The following TRAF2 variants were observed in gnomAD, a reference collection of about 807,000 sequenced individuals.
TRAF2 encodes the protein TNF receptor-associated factor 2.
A neutral mutation model predicts 55.6 loss-of-function variants in TRAF2; 6 were observed. The observed-to-expected ratio is 0.11, with a 90% CI of 0.06 to 0.21. TRAF2 has a LOEUF of 0.21. TRAF2 is among the 10% of genes least tolerant of loss of function. The pLI, the probability that TRAF2 is intolerant of heterozygous loss-of-function variation, is 1.00. For synonymous variants in TRAF2, 329 were observed against 276.3 expected, an observed-to-expected ratio of 1.19 and a Z score of -1.89; for missense variants, 561 against 684.5, an observed-to-expected ratio of 0.82 and a Z score of 2.01.
chr9:136,904,943 C>G (rs1340033791), intron 4 of TRAF2, among the ~76,000 whole-genome samples: 1 of 152,186 alleles, frequency 6.6e-6, no homozygotes, highest in African/African-American at 2.4e-5. Context: ...GCCAGTGCCG[C>G]TGGAGGTCTT....
At position 136,909,905 on chromosome 9, in the gene TRAF2, T is replaced by TC; in HGVS notation, c.529-12dup. 4 of 1,614,020 alleles carry TC rather than the reference T, an allele frequency of 2.5e-6. No individual in the cohort carries two copies. Among genetic ancestry groups the TC allele is most frequent in the Non-Finnish European group, 3.4e-6 (4 of 1,179,940 alleles). ...TTGGCGTCCACCCTCACACTCCTGA[T>TC]CCCTTCTTTTGAAGGCGCACCACGA... On this transcript the variant is annotated splice_polypyrimidine_tract_variant and intron_variant, in intron 5 of 10. Transcript: ENST00000247668.
intron 1 of TRAF2, among the ~76,000 whole-genome samples, chr9:136,890,994 CCTGAGTGG>C (rs1213913246): frequency 1.3e-5 from 2 of 152,204 alleles, no homozygotes; most frequent in Admixed American, 1.3e-4. Context: ...ACCTCAGCCT[CCTGAGTGG>C]CTGGGACCAC....
At chr9:136,886,467 A>C (rs1265835296), upstream of TRAF2, 6 of 1,004,724 alleles carry the variant, frequency 6.0e-6, no homozygotes, top group Non-Finnish European at 7.1e-6. Context: ...CACGCGGCGG[A>C]GCGGCGGCGG....
intron 4 of TRAF2, among the ~76,000 whole-genome samples, chr9:136,907,207 G>A (rs924096323): frequency 4.6e-5 from 7 of 152,244 alleles, no homozygotes; most frequent in Admixed American, 1.3e-4. Flanking sequence ...TGCCTCGCCT[G>A]ACGCTTAGCC....
At chr9:136,917,787 G>A (rs192208106) in intron 7 of TRAF2, among the ~76,000 whole-genome samples, 5 of 152,150 alleles carry the variant, frequency 3.3e-5, no homozygotes, top group African/African-American at 7.2e-5. Context: ...TCTGCTGTCC[G>A]TGTTCTTGTC....
Position 136,917,656 on chromosome 9 carries a change from G to A in TRAF2, c.678+1041G>A, listed in dbSNP as rs992461962. On this transcript the variant is annotated intron_variant, in intron 7 of 10. Transcript: ENST00000247668. Reference sequence around the variant, plus strand: ...TGCTTGAAGACAGGGATGTCTTGACGGCATTTGTGGTAGAGTCAGTTGCTG... The same window carrying A: ...TGCTTGAAGACAGGGATGTCTTGACAGCATTTGTGGTAGAGTCAGTTGCTG... 3.5e-4 allele frequency among the ~76,000 whole-genome samples: 53 copies of A among 152,210 alleles called. 1 individual carries two copies. Among genetic ancestry groups the A allele is most frequent in the Non-Finnish European group, 1.3e-4 (9 of 68,046 alleles).
intron 1 of TRAF2, chr9:136,890,471 G>A (rs1849559698): frequency 6.6e-6 from 1 of 152,286 alleles, no homozygotes; most frequent in African/African-American, 2.4e-5. Context: ...TGACCATGGT[G>A]TTCAGTTCAG....
chr9:136,896,545 T>A (rs1374754839), intron 1 of TRAF2, among the ~76,000 whole-genome samples: 1 of 152,254 alleles, frequency 6.6e-6, no homozygotes, highest in Non-Finnish European at 1.5e-5. Flanking sequence ...GGCCAGCACG[T>A]GTGAACAATC....
chr9:136,901,074 A>C (rs1433548932), intron 4 of TRAF2, among the ~76,000 whole-genome samples: 1 of 147,854 alleles, frequency 6.8e-6, no homozygotes, highest in African/African-American at 2.6e-5. Context: ...AGTGGCCCGC[A>C]CTTCACTTGG....
At chr9:136,920,150 C>A in intron 7 of TRAF2, 84 bp from the exon 8 acceptor site, 1 of 1,475,780 alleles carries the variant, frequency 6.8e-7, no homozygotes, top group Non-Finnish European at 9.0e-7. Flanking sequence ...CTCAGCTCAG[C>A]TGAGGCCCAC....
intron 9 of TRAF2, 113 bp downstream of exon 9, chr9:136,921,328 C>T: frequency 7.5e-7 from 1 of 1,330,394 alleles, no homozygotes; most frequent in Non-Finnish European, 1.0e-6. Flanking sequence ...GGATACGACC[C>T]CCAGTGATAC....
At chr9:136,903,027 C>T (rs974619966) in intron 4 of TRAF2, among the ~76,000 whole-genome samples, 12 of 152,088 alleles carry the variant, frequency 7.9e-5, no homozygotes, top group Admixed American at 4.6e-4. Context: ...AGTGCAGTGG[C>T]GTGACCTCGG....
At chr9:136,902,566 G>A (rs1168566720) in intron 4 of TRAF2, among the ~76,000 whole-genome samples, 2 of 152,226 alleles carry the variant, frequency 1.3e-5, no homozygotes, top group African/African-American at 4.8e-5. Flanking sequence ...GGCACGCAGG[G>A]TGGAAAGTCC....
chr9:136,894,482 C>T (rs1849642098), intron 1 of TRAF2, among the ~76,000 whole-genome samples: 1 of 152,138 alleles, frequency 6.6e-6, no homozygotes, highest in Non-Finnish European at 1.5e-5. Flanking sequence ...TTAGGCCCAC[C>T]TCAGGGTTGC....
upstream of TRAF2, among the ~76,000 whole-genome samples, chr9:136,885,711 T>C (rs1849431658): frequency 6.6e-6 from 1 of 151,468 alleles, no homozygotes; most frequent in Non-Finnish European, 1.5e-5. Flanking sequence ...GAGGTTGCAG[T>C]GAGTCGAGAT....
chr9:136,892,759 A>T (rs1034392625), intron 1 of TRAF2, among the ~76,000 whole-genome samples: 3 of 151,962 alleles, frequency 2.0e-5, no homozygotes, highest in Admixed American at 6.6e-5. Context: ...AGGCGTCTGT[A>T]ATCCCAGCTA....
chr9:136,907,200 C>T (rs1336881738), intron 4 of TRAF2, among the ~76,000 whole-genome samples: 2 of 152,276 alleles, frequency 1.3e-5, no homozygotes, highest in Non-Finnish European at 2.9e-5. Flanking sequence ...AGTCCTCTGC[C>T]TCGCCTGACG....
At chr9:136,897,737 A>G (rs57258620) in intron 1 of TRAF2, among the ~76,000 whole-genome samples, 4,942 of 26,120 alleles carry the variant, frequency 0.19, 16 homozygotes, top group African/African-American at 0.24. Flanking sequence ...TCCCGCTCTC[A>G]GGGCTGGAGG....
In TRAF2 at chr9:136,886,548, CGAGCGCG is replaced by C. The variant is rs1849452093; in HGVS notation, c.-29+9_-29+15del. 5.1e-6 allele frequency: 5 copies of C among 983,944 alleles called. No individual in the cohort carries two copies. The African/African-American group carries it at 9.0e-5, about 18-fold the overall frequency. The allele number at this position is 983,944 out of a possible 1,614,324, so 61.0% of individuals were successfully genotyped here. On this transcript the variant is annotated splice_region_variant and intron_variant, in intron 1 of 10. Transcript: ENST00000247668. ...GGCGCGCTGCGACCGTTGGGTGAGG[CGAGCGCG>C]GGGTCGGGTGCGGGGTCGGGCGCGG...
Sources: allele counts gnomAD v4.1 joint callset (sites outside exome capture counted in the v4.1 genomes callset), GRCh38; gene constraint gnomAD v4.1.1; transcripts MANE v1.5; gene names NCBI Gene and HGNC (gene_info 2026-07-23, HGNC 2026-07-21).